HERC4: variants seen among roughly 807,000 people sequenced by gnomAD.
HERC4 encodes probable E3 ubiquitin-protein ligase HERC4.
Under a neutral mutation model 124.3 loss-of-function variants are expected in HERC4, and 28 were observed. That is an observed-to-expected ratio of 0.23 (90% CI 0.17 to 0.31). The LOEUF (loss-of-function observed/expected upper bound fraction) is 0.31. Ranked by LOEUF, HERC4 falls within the 10% of genes least tolerant of loss-of-function variation. The pLI, the probability that HERC4 is intolerant of heterozygous loss-of-function variation, is 1.00. For synonymous variants in HERC4, 407 were observed against 421.5 expected (o/e 0.97, Z 0.42); for missense variants, 713 against 1,229.3 (o/e 0.58, Z 6.28).
At chr10:67,943,035 G>C (rs1046219879) in intron 19 of HERC4, among the ~76,000 whole-genome samples, 1 of 152,166 alleles carries the variant, frequency 6.6e-6, no homozygotes, top group Non-Finnish European at 1.5e-5. Flanking sequence ...TCTTTTGGGG[G>C]ATAATGTTTT....
chr10:67,926,432 C>A (rs71468899), intron 23 of HERC4, among the ~76,000 whole-genome samples: 16,977 of 149,842 alleles, frequency 0.11, 975 homozygotes, highest in South Asian at 0.15. Flanking sequence ...AAAAAAAAAA[C>A]AAAAAAATTA....
intron 9 of HERC4, among the ~76,000 whole-genome samples, chr10:67,998,018 C>T (rs537651605): frequency 6.6e-6 from 1 of 152,092 alleles, no homozygotes; most frequent in South Asian, 2.1e-4. Context: ...CCTGCCTCAG[C>T]CTCTGGAGTA....
rs543030835 is a variant in HERC4 at position 68,034,252 on chromosome 10, T to C, written c.464-66A>G. 6 of 1,104,978 alleles carry C rather than the reference T, an allele frequency of 5.4e-6. No individual in the cohort carries two copies. The South Asian group carries it at 6.9e-5, about 13-fold the overall frequency. 68.4% of individuals were successfully genotyped at this position (1,104,978 alleles called of 1,614,324 possible). On this transcript the variant is annotated intron_variant, in intron 5 of 24. Transcript: ENST00000373700. ...TGCAAAAAATTTAATTTGAAAATAA[T>C]CATTTCATTTCAAATTTCATATAAA...
chr10:68,004,873 C>T (rs953819258), intron 9 of HERC4, among the ~76,000 whole-genome samples: 3 of 152,114 alleles, frequency 2.0e-5, no homozygotes, highest in Admixed American at 2.0e-4. Context: ...TTACCTCCAC[C>T]GGGTCTCTCC....
intron 7 of HERC4, among the ~76,000 whole-genome samples, chr10:68,032,153 T>C (rs907685017): frequency 3.3e-5 from 5 of 152,254 alleles, no homozygotes; most frequent in Non-Finnish European, 5.9e-5. Context: ...TACATTAACA[T>C]GACTGCAATA....
intron 22 of HERC4, among the ~76,000 whole-genome samples, chr10:67,934,169 TTCAC>T (rs2032111160): frequency 6.6e-6 from 1 of 152,216 alleles, no homozygotes; most frequent in South Asian, 2.1e-4. Context: ...AATTGTCCCA[TTCAC>T]TTTCTACTCC....
intron 4 of HERC4, chr10:68,039,429 TAA>T: frequency 6.4e-7 from 1 of 1,550,646 alleles, no homozygotes; most frequent in East Asian, 2.4e-5. Context: ...GATTCTGCCA[TAA>T]GAGAGTCCGG....
At chr10:67,953,752 T>G (rs1271433807) in intron 19 of HERC4, among the ~76,000 whole-genome samples, 1 of 152,190 alleles carries the variant, frequency 6.6e-6, no homozygotes, top group Admixed American at 6.5e-5. Context: ...AATCCTTTCC[T>G]ATGAATTGCA....
At chr10:68,022,437 T>C (rs571126288) in intron 8 of HERC4, among the ~76,000 whole-genome samples, 9 of 151,734 alleles carry the variant, frequency 5.9e-5, no homozygotes, top group Admixed American at 6.6e-5. Context: ...AGGCAGAGGT[T>C]GCAGTGAGCC....
intron 21 of HERC4, among the ~76,000 whole-genome samples, chr10:67,937,197 G>A (rs1227705934): frequency 6.6e-6 from 1 of 152,100 alleles, no homozygotes; most frequent in Non-Finnish European, 1.5e-5. Context: ...TGTATGGCAA[G>A]TGGCTCTGAA....
chr10:67,943,792 C>T (rs138365555), intron 19 of HERC4, among the ~76,000 whole-genome samples: 128 of 152,298 alleles, frequency 8.4e-4, no homozygotes, highest in African/African-American at 3.0e-3. Flanking sequence ...TCTTGAAAAC[C>T]CAAAGGATAA....
intron 21 of HERC4, among the ~76,000 whole-genome samples, chr10:67,938,697 G>A (rs988529581): frequency 6.6e-6 from 1 of 152,110 alleles, no homozygotes; most frequent in African/African-American, 2.4e-5. Context: ...TGTAATGCCA[G>A]CACTTCGGGA....
intron 3 of HERC4, among the ~76,000 whole-genome samples, chr10:68,062,809 T>C (rs958049689): frequency 1.3e-5 from 2 of 152,102 alleles, no homozygotes; most frequent in Non-Finnish European, 1.5e-5. Context: ...AGCCTAACTA[T>C]TTCTTTACCT....
At chr10:67,992,539 T>C (rs895700125) in intron 10 of HERC4, 67 bp downstream of exon 10, 1 of 1,100,008 alleles carries the variant, frequency 9.1e-7, no homozygotes, top group Non-Finnish European at 1.3e-6. Flanking sequence ...AGAACATTAA[T>C]AATGGGTTTT....
chr10:68,056,350 T>C (rs533555553), intron 3 of HERC4, among the ~76,000 whole-genome samples: 1 of 152,306 alleles, frequency 6.6e-6, no homozygotes, highest in South Asian at 2.1e-4. Flanking sequence ...TGATCATGTG[T>C]TCATTCAACA....
At chr10:68,073,241 G>T (rs919235289) in intron 2 of HERC4, 55 bp from the exon 3 acceptor site, 1 of 636,196 alleles carries the variant, frequency 1.6e-6, no homozygotes, top group African/African-American at 1.8e-5. Flanking sequence ...ATGTATAATT[G>T]CTCTTTCAAG....
At chr10:68,039,518 A>G (rs1412802191) in intron 4 of HERC4, 1 of 1,549,926 alleles carries the variant, frequency 6.5e-7, no homozygotes, top group African/African-American at 1.4e-5. Context: ...GAGCAGGAAA[A>G]AGGAGAGTTA....
At chr10:67,936,700 T>C (rs959601920) in intron 21 of HERC4, among the ~76,000 whole-genome samples, 7 of 152,242 alleles carry the variant, frequency 4.6e-5, no homozygotes, top group African/African-American at 7.2e-5. Context: ...ATTTGGTTTA[T>C]AAAGATAGGC....
chr10:67,978,607 A>C (rs529642111), intron 15 of HERC4, among the ~76,000 whole-genome samples: 23 of 152,344 alleles, frequency 1.5e-4, no homozygotes, highest in Non-Finnish European at 2.9e-5. Flanking sequence ...GTAGAGCGCC[A>C]GCACCTTGAG....
Sources: gnomAD v4.1 joint callset for allele counts (sites outside exome capture counted in the v4.1 genomes callset) on GRCh38, gnomAD v4.1.1 for gene constraint, MANE v1.5 for transcripts, NCBI Gene and HGNC (gene_info 2026-07-23, HGNC 2026-07-21) for gene names.